The following MLEC variants were observed in gnomAD, a reference collection of about 807,000 sequenced individuals.
MLEC encodes the protein malectin, also known as oligosaccharyltransferase complex subunit (non-catalytic).
In MLEC, 7 loss-of-function variants were observed where a neutral mutation model predicts 28.7. The observed-to-expected ratio is 0.24, with a 90% confidence interval of 0.14 to 0.46. The LOEUF is 0.46. MLEC is among the 20% of genes least tolerant of loss of function. The pLI is 0.99. For synonymous variants in MLEC, 142 were observed against 164.4 expected, an observed-to-expected ratio of 0.86 and a Z score of 1.04; for missense variants, 237 against 391.1, an observed-to-expected ratio of 0.61 and a Z score of 3.32.
In MLEC at chr12:120,698,076, G is replaced by C. The variant is rs930594707; in HGVS notation, c.*1531G>C. 4 of 152,198 alleles carry C rather than the reference G, an allele frequency of 2.6e-5. No individual in the cohort carries two copies. Among genetic ancestry groups the C allele is most frequent in the Non-Finnish European group, 5.9e-5 (4 of 68,036 alleles). 9.4% of individuals were successfully genotyped at this position (152,198 alleles called of 1,614,324 possible). On this transcript the variant is annotated 3_prime_UTR_variant, in exon 5 of 5. Transcript: ENST00000228506. ...TTTCCCAGTTAGGGCAACAATGAAG[G>C]AGGACCCAGCCAAGCTAGAAGGAAT...
At position 120,696,425 on chromosome 12, in the gene MLEC, G is replaced by T; in HGVS notation, c.759G>T (p.Arg253=). Reference sequence around the variant, plus strand: ...TCAAAAAACAGACCAATAAGAACCGGGTGCAGTCAGGCCCCCGCACACCCA... The same window carrying T: ...TCAAAAAACAGACCAATAAGAACCGTGTGCAGTCAGGCCCCCGCACACCCA... ...SNLKKQTNKN[R]VQSGPRTPNP... is the part of the protein sequence containing the mutation. Residue 253 remains arginine (R), a synonymous_variant, in exon 5 of 5, where the codon CGG becomes CGT. Transcript: ENST00000228506. This position sits in a 1 kb window ranked among gnomAD's most constrained non-coding sequence, Gnocchi z 5.4. 2 of 1,614,076 alleles carry T rather than the reference G, an allele frequency of 1.2e-6. No individual in the cohort carries two copies. The highest frequency in any genetic ancestry group is 1.7e-6 in the Non-Finnish European group (2 of 1,180,012).
At position 120,698,437 on chromosome 12, in the gene MLEC, G is replaced by A. The variant is rs1363045673; in HGVS notation, c.*1892G>A. The A allele has an allele frequency of 6.6e-6, 1 of 152,176 alleles. No homozygotes were observed. Among genetic ancestry groups the A allele is most frequent in the Non-Finnish European group, 1.5e-5 (1 of 68,082 alleles). The allele number at this position is 152,176 out of a possible 1,614,324, so 9.4% of individuals were successfully genotyped here. A position where few individuals can be genotyped will look rare whatever the true frequency, so the allele number is the denominator to read the frequency against. On this transcript the variant is annotated 3_prime_UTR_variant, in exon 5 of 5. Transcript: ENST00000228506. ...GTTGTGGCCCGAGGCTGCAGTCAGA[G>A]GTATACTTCCCATAGTGCTTCACAC...
rs748858798 is a variant in MLEC, at chr12:120,694,895, C to T, written c.486C>T (p.Ser162=). ...ATATCTTTGATCGTGTTGGGCATAGCACAGCTCACGATGAAATTATACCTA... is the reference window on the plus strand; with the variant it reads ...ATATCTTTGATCGTGTTGGGCATAGTACAGCTCACGATGAAATTATACCTA... ...DLDIFDRVGH[S]TAHDEIIPMS... The change falls in exon 3 of 5, where the codon AGC becomes AGT. Residue 162 remains serine, a synonymous_variant. Coordinates refer to ENST00000228506, the MANE Select transcript of MLEC (RefSeq NM_014730.4). The surrounding 1 kb of genome is among the most constrained non-coding windows in gnomAD (Gnocchi z 4.5). The T allele has an allele frequency of 1.2e-6, 2 of 1,614,178 alleles. No individual in the cohort carries two copies. Among genetic ancestry groups the T allele is most frequent in the Non-Finnish European group, 1.7e-6 (2 of 1,180,022 alleles).
intron 1 of MLEC, among the ~76,000 whole-genome samples, chr12:120,692,780 A>G (rs552762843): frequency 7.8e-4 from 118 of 151,356 alleles, no homozygotes; most frequent in Admixed American, 1.1e-3. Context: ...GAGAGACTAC[A>G]TGACGGCTAC....
chr12:120,692,309 A>G (rs568538610), intron 1 of MLEC, among the ~76,000 whole-genome samples: 5 of 152,356 alleles, frequency 3.3e-5, no homozygotes, highest in African/African-American at 1.2e-4. Context: ...CAGTTGGAAG[A>G]GAAACAGCAG....
intron 1 of MLEC, among the ~76,000 whole-genome samples, chr12:120,691,094 C>T (rs1015583772): frequency 6.6e-6 from 1 of 152,244 alleles, no homozygotes; most frequent in Admixed American, 6.5e-5. Context: ...GCTGTGTTCT[C>T]ATGGAGGACA....
At position 120,689,730 on chromosome 12, in the gene MLEC, C is replaced by T. The variant is rs147070006; in HGVS notation, c.235+2199C>T. Among the ~76,000 whole-genome samples the T allele has an allele frequency of 2.6e-3, 391 of 152,342 alleles. 4 individuals are homozygous for T. The highest frequency in any genetic ancestry group is 4.4e-3 in the Non-Finnish European group (301 of 68,034). ...GCCAGGTATTTGAAGACCCTTGCCT[C>T]GTGCAGCTATTTACACTGATTGCAG... On this transcript the variant is annotated intron_variant, in intron 1 of 4. Transcript: ENST00000228506.
At position 120,701,431 on chromosome 12, in the gene MLEC, C is replaced by T. The variant is rs916934014; in HGVS notation, c.*4886C>T. Reference sequence around the variant, plus strand: ...GTTCTCCCAGGCAAGGACCAGCTGCCCATTCTGAGCCCAGGGCAGCCTCTT... The same window carrying T: ...GTTCTCCCAGGCAAGGACCAGCTGCTCATTCTGAGCCCAGGGCAGCCTCTT... On this transcript the variant is annotated 3_prime_UTR_variant, in exon 5 of 5. Coordinates refer to ENST00000228506, the MANE Select transcript of MLEC (RefSeq NM_014730.4). The surrounding 1 kb of genome is among the most constrained non-coding windows in gnomAD (Gnocchi z 4.0). The T allele has an allele frequency of 9.2e-5, 14 of 152,722 alleles. No homozygotes were observed. Among genetic ancestry groups the T allele is most frequent in the Non-Finnish European group, 7.3e-5 (5 of 68,030 alleles). The allele number at this position is 152,722 out of a possible 1,614,324, so 9.5% of individuals were successfully genotyped here.
At chr12:120,690,798 C>G (rs868531326) in intron 1 of MLEC, among the ~76,000 whole-genome samples, 1 of 152,160 alleles carries the variant, frequency 6.6e-6, no homozygotes, top group African/African-American at 2.4e-5. Flanking sequence ...AGAGAGGAGT[C>G]ACTGCTACCT....
At position 120,687,480 on chromosome 12, in the gene MLEC, G is replaced by C; in HGVS notation, c.184G>C (p.Val62Leu). 2 of 1,442,430 alleles carry C rather than the reference G, an allele frequency of 1.4e-6. No individual in the cohort carries two copies. The highest frequency in any genetic ancestry group is 3.0e-5 in the African/African-American group (2 of 67,648). 89.4% of individuals were successfully genotyped at this position (1,442,430 alleles called of 1,614,324 possible). Residue 62 changes from valine to leucine, a missense_variant, in exon 1 of 5, where the codon GTG becomes CTG. Coordinates refer to ENST00000228506, the MANE Select transcript of MLEC (RefSeq NM_014730.4). The surrounding 1 kb of genome is among the most constrained non-coding windows in gnomAD (Gnocchi z 8.1). ...VNAGGEAHVD[V>L]HGIHFRKDPL... Reference sequence around the variant, plus strand: ...CGCGGGTGGAGAGGCGCATGTGGACGTGCACGGGATCCACTTCCGCAAGGA... The same window carrying C: ...CGCGGGTGGAGAGGCGCATGTGGACCTGCACGGGATCCACTTCCGCAAGGA...
At position 120,701,416 on chromosome 12, in the gene MLEC, G is replaced by A. The variant is rs992556097; in HGVS notation, c.*4871G>A. 1 of 152,574 alleles carries A rather than the reference G, an allele frequency of 6.6e-6. No individual in the cohort carries two copies. The highest frequency in any genetic ancestry group is 2.4e-5 in the African/African-American group (1 of 41,430). The allele number at this position is 152,574 out of a possible 1,614,324, so 9.5% of individuals were successfully genotyped here. ...TTTTCCTTCCACAAAGTTCTCCCAG[G>A]CAAGGACCAGCTGCCCATTCTGAGC... is the stretch of plus-strand genomic sequence containing the variant. On this transcript the variant is annotated 3_prime_UTR_variant, in exon 5 of 5. Transcript: ENST00000228506. This position sits in a 1 kb window ranked among gnomAD's most constrained non-coding sequence, Gnocchi z 4.0.
chr12:120,690,000 T>G (rs1316137015), intron 1 of MLEC, among the ~76,000 whole-genome samples: 1 of 152,190 alleles, frequency 6.6e-6, no homozygotes. Context: ...AGAATATTTA[T>G]TGAATTTCAT....
intron 1 of MLEC, among the ~76,000 whole-genome samples, chr12:120,689,040 T>C (rs1180613024): frequency 6.6e-6 from 1 of 152,204 alleles, no homozygotes; most frequent in African/African-American, 2.4e-5. Flanking sequence ...GTGAGGGTGC[T>C]GAGCGGATGG....
Position 120,687,459 on chromosome 12 carries a change from G to C in MLEC, c.163G>C (p.Gly55Arg). The C allele has an allele frequency of 7.0e-7, 1 of 1,418,684 alleles. No individual in the cohort carries two copies. Among genetic ancestry groups the C allele is most frequent in the Non-Finnish European group, 9.2e-7 (1 of 1,084,034 alleles). 87.9% of individuals were successfully genotyped at this position (1,418,684 alleles called of 1,614,324 possible). Residue 55 changes from glycine (G) to arginine (R), a missense_variant, in exon 1 of 5, where the codon GGT (glycine) becomes CGT (arginine). Transcript: ENST00000228506. This position sits in a 1 kb window ranked among gnomAD's most constrained non-coding sequence, Gnocchi z 8.1. ...GAGCGTCATTTGGGCGGTCAACGCG[G>C]GTGGAGAGGCGCATGTGGACGTGCA... ...PESVIWAVNA[G>R]GEAHVDVHGI...
Position 120,696,998 on chromosome 12 carries a change from C to T in MLEC, c.*453C>T, listed in dbSNP as rs1882269207. The T allele has an allele frequency of 6.4e-6, 1 of 156,616 alleles. No individual in the cohort carries two copies. Among genetic ancestry groups the T allele is most frequent in the Admixed American group, 6.3e-5 (1 of 15,912 alleles). The allele number at this position is 156,616 out of a possible 1,614,324, so 9.7% of individuals were successfully genotyped here. On this transcript the variant is annotated 3_prime_UTR_variant, in exon 5 of 5. Coordinates refer to ENST00000228506, the MANE Select transcript of MLEC (RefSeq NM_014730.4). This position sits in a 1 kb window ranked among gnomAD's most constrained non-coding sequence, Gnocchi z 5.4. ...ATGTCTAGATAAGACTTCAGACGTC[C>T]TGGGATTGAAAGAATGTGTGTGAAG...
intron 1 of MLEC, among the ~76,000 whole-genome samples, chr12:120,692,144 G>C (rs1882062060): frequency 6.6e-6 from 1 of 152,138 alleles, no homozygotes; most frequent in African/African-American, 2.4e-5. Flanking sequence ...TGGGCAACAA[G>C]AGCGAAACTC....
At chr12:120,690,465 C>T (rs567981913) in intron 1 of MLEC, among the ~76,000 whole-genome samples, 5 of 152,318 alleles carry the variant, frequency 3.3e-5, no homozygotes, top group Middle Eastern at 6.8e-3. Flanking sequence ...CGCAGGTCCT[C>T]GAGAAACTTG....
intron 1 of MLEC, among the ~76,000 whole-genome samples, chr12:120,689,650 G>A (rs1280660328): frequency 6.6e-6 from 1 of 152,212 alleles, no homozygotes; most frequent in Admixed American, 6.5e-5. Context: ...GTCCTACCAA[G>A]GGAAGTCCAG....
chr12:120,695,195 A>T, intron 4 of MLEC, 43 bp downstream of exon 4: 1 of 1,609,460 alleles, frequency 6.2e-7, no homozygotes, highest in Non-Finnish European at 8.5e-7. Flanking sequence ...GAGTGGAGGG[A>T]TATGGTTGAG....
Sources: gnomAD v4.1 joint callset for allele counts (sites outside exome capture counted in the v4.1 genomes callset) on GRCh38, gnomAD v4.1.1 for gene constraint, Gnocchi (gnomAD v3.1) non-coding constraint, MANE v1.5 for transcripts, NCBI Gene and HGNC (gene_info 2026-07-23, HGNC 2026-07-21) for gene names.